The following SAMD5 variants were observed in gnomAD, a reference collection of about 807,000 sequenced individuals.
SAMD5 encodes sterile alpha motif domain-containing protein 5.
Under a neutral mutation model 11.3 loss-of-function variants are expected in SAMD5, and 13 were observed. The observed-to-expected ratio is 1.15, with a 90% CI of 0.75 to 1.83. The LOEUF is 1.83. Ranked by LOEUF, SAMD5 falls within the 40% of genes most tolerant of loss-of-function variation. The pLI is 0.00. For synonymous variants in SAMD5, 129 were observed against 111.3 expected (o/e 1.16, Z -1.00); for missense variants, 255 against 239.1 (o/e 1.07, Z -0.44).
chr6:147,537,479 G>A (rs1174883276), intron 1 of SAMD5, among the ~76,000 whole-genome samples: 1 of 152,164 alleles, frequency 6.6e-6, no homozygotes, highest in African/African-American at 2.4e-5. Context: ...CCGGCTGGGC[G>A]CGGTGGCTCA....
the SAMD5 span, among the ~76,000 whole-genome samples, chr6:147,745,780 T>TC: frequency 1.6e-5 from 2 of 127,064 alleles, no homozygotes; most frequent in Non-Finnish European, 3.1e-5. Flanking sequence ...TTTCTTTCTT[T>TC]TTTTTTTTTT....
intron 1 of SAMD5, among the ~76,000 whole-genome samples, chr6:147,610,889 A>G (rs1475687346): frequency 8.5e-6 from 1 of 117,868 alleles, no homozygotes; most frequent in Admixed American, 8.6e-5. Flanking sequence ...TTTTTTTTTG[A>G]GATGGAGTCT....
intron 1 of SAMD5, among the ~76,000 whole-genome samples, chr6:147,619,253 A>G (rs1234510877): frequency 6.6e-6 from 1 of 152,208 alleles, no homozygotes; most frequent in Non-Finnish European, 1.5e-5. Flanking sequence ...AGAAATCACC[A>G]TGTATTTGAA....
chr6:147,634,934 A>G (rs149485306), intron 1 of SAMD5, among the ~76,000 whole-genome samples: 1 of 44,488 alleles, frequency 2.2e-5, no homozygotes, highest in Middle Eastern at 0.014. Context: ...GAAGCCACTT[A>G]GTAGTACACA....
intron 1 of SAMD5, among the ~76,000 whole-genome samples, chr6:147,679,592 C>G (rs760911904): frequency 6.6e-6 from 1 of 151,876 alleles, no homozygotes; most frequent in Non-Finnish European, 1.5e-5. Context: ...TTATTTTTCC[C>G]AGTCTGTGGC....
chr6:147,917,711 G>A, the SAMD5 span, among the ~76,000 whole-genome samples: 614 of 152,214 alleles, frequency 4.0e-3, 3 homozygotes, highest in African/African-American at 0.013. Context: ...TAAGTCTTTA[G>A]TCCATCTTGA....
At chr6:147,661,240 A>G (rs1790644680) in intron 1 of SAMD5, among the ~76,000 whole-genome samples, 1 of 152,138 alleles carries the variant, frequency 6.6e-6, no homozygotes, top group Non-Finnish European at 1.5e-5. Context: ...TACATCTGAG[A>G]CTTCACCTTC....
rs774649997 is a variant in SAMD5 at position 147,509,370 on chromosome 6, C to T, written c.442C>T (p.Pro148Ser). ...LVRDGIHLSK[P>S]PYSRKVPMAG... ...CCGTGACGGCATCCACCTGAGCAAGCCCCCGTACTCCCGCAAGGTAAGGAG... is the reference window on the plus strand; with the variant it reads ...CCGTGACGGCATCCACCTGAGCAAGTCCCCGTACTCCCGCAAGGTAAGGAG... Residue 148 changes from proline (P) to serine (S), a missense_variant, in exon 1 of 2, where the codon CCC becomes TCC. By Grantham distance (74) the Pro-to-Ser change is moderately conservative. Transcript: ENST00000367474. The T allele has an allele frequency of 6.4e-7, 1 of 1,559,210 alleles. No individual in the cohort carries two copies. The highest frequency in any genetic ancestry group is 1.2e-5 in the South Asian group (1 of 83,844).
At chr6:147,666,423 C>A (rs1444482417) in intron 1 of SAMD5, among the ~76,000 whole-genome samples, 1 of 152,162 alleles carries the variant, frequency 6.6e-6, no homozygotes, top group Non-Finnish European at 1.5e-5. Flanking sequence ...TGCGTGAGAA[C>A]AGTGTGCGTC....
chr6:147,751,341 T>A, the SAMD5 span, among the ~76,000 whole-genome samples: 9 of 152,208 alleles, frequency 5.9e-5, no homozygotes, highest in African/African-American at 2.2e-4. Flanking sequence ...GTGTTTTTTT[T>A]TCCATCTGTC....
At chr6:147,917,329 G>A in the SAMD5 span, among the ~76,000 whole-genome samples, 1 of 147,444 alleles carries the variant, frequency 6.8e-6, no homozygotes, top group Non-Finnish European at 1.5e-5. Context: ...ATTTTTTCAT[G>A]TGTTTTTTGG....
At chr6:147,587,226 TTTTG>T (rs891537080) in intron 1 of SAMD5, among the ~76,000 whole-genome samples, 2 of 152,060 alleles carry the variant, frequency 1.3e-5, no homozygotes, top group African/African-American at 2.4e-5. Context: ...CAATGACTAT[TTTTG>T]TTTGTTTGTT....
intron 1 of SAMD5, among the ~76,000 whole-genome samples, chr6:147,622,863 G>A (rs977736170): frequency 2.0e-5 from 3 of 152,282 alleles, no homozygotes; most frequent in Non-Finnish European, 4.4e-5. Flanking sequence ...GGCGGAAGGT[G>A]AAAGGCACAT....
chr6:147,696,684 G>T (rs145649214), intron 1 of SAMD5, among the ~76,000 whole-genome samples: 1 of 152,128 alleles, frequency 6.6e-6, no homozygotes, highest in Admixed American at 6.5e-5. Flanking sequence ...TATCTGGCTC[G>T]TTTCTGTTAG....
intron 1 of SAMD5, among the ~76,000 whole-genome samples, chr6:147,524,317 C>T (rs1788302240): frequency 6.6e-6 from 1 of 152,002 alleles, no homozygotes; most frequent in Non-Finnish European, 1.5e-5. Context: ...CTTGATCATC[C>T]CCAACATAGC....
intron 1 of SAMD5, among the ~76,000 whole-genome samples, chr6:147,608,770 T>C (rs989416772): frequency 6.6e-6 from 1 of 152,302 alleles, no homozygotes; most frequent in South Asian, 2.1e-4. Context: ...CATAACTTAA[T>C]TGTACATTTT....
the SAMD5 span, among the ~76,000 whole-genome samples, chr6:147,789,454 T>C: frequency 7.9e-5 from 12 of 152,132 alleles, no homozygotes; most frequent in Non-Finnish European, 1.3e-4. Context: ...AGTTATTTTT[T>C]AGGAGGATGA....
At chr6:147,634,475 C>A (rs1790195671) in intron 1 of SAMD5, among the ~76,000 whole-genome samples, 1 of 152,186 alleles carries the variant, frequency 6.6e-6, no homozygotes, top group African/African-American at 2.4e-5. Context: ...CACTGGGGAT[C>A]ACAATTTAAC....
At chr6:147,801,392 G>A in the SAMD5 span, among the ~76,000 whole-genome samples, 2 of 151,964 alleles carry the variant, frequency 1.3e-5, no homozygotes, top group Admixed American at 6.6e-5. Flanking sequence ...ATGTTCAGTG[G>A]TAGAGATGAA....
Sources: gnomAD v4.1 joint callset for allele counts (sites outside exome capture counted in the v4.1 genomes callset) on GRCh38, gnomAD v4.1.1 for gene constraint, MANE v1.5 for transcripts, NCBI Gene and HGNC (gene_info 2026-07-23, HGNC 2026-07-21) for gene names.